KHDRBS1: variants seen among roughly 807,000 people sequenced by gnomAD.
The protein encoded by KHDRBS1 is KH domain-containing, RNA-binding, signal transduction-associated protein 1.
A neutral mutation model predicts 48.4 loss-of-function variants in KHDRBS1; 7 were observed. That is an observed-to-expected ratio of 0.14 (90% CI 0.08 to 0.27). The LOEUF (loss-of-function observed/expected upper bound fraction) is 0.27, where lower values mean the gene tolerates loss of function less well. Among genes scored for constraint, KHDRBS1 ranks in the 10% least tolerant of loss-of-function variants. The pLI is 1.00. For synonymous variants in KHDRBS1, 241 were observed against 235.8 expected (o/e 1.02, Z -0.20); for missense variants, 458 against 601.2 (o/e 0.76, Z 2.49).
chr1:32,029,567 G>T (rs1639042490), intron 1 of KHDRBS1, among the ~76,000 whole-genome samples: 2 of 152,166 alleles, frequency 1.3e-5, no homozygotes, highest in African/African-American at 4.8e-5. Flanking sequence ...TGAGGCAGAA[G>T]AATTGCTTGA....
intron 5 of KHDRBS1, 53 bp downstream of exon 5, chr1:32,037,096 C>T: frequency 6.3e-7 from 1 of 1,586,134 alleles, no homozygotes; most frequent in Non-Finnish European, 8.6e-7. Context: ...CTACTAGTGT[C>T]ATCTCTTTTA....
chr1:32,040,507 T>G (rs1023282457), intron 8 of KHDRBS1, among the ~76,000 whole-genome samples: 7 of 152,198 alleles, frequency 4.6e-5, no homozygotes, highest in African/African-American at 1.7e-4. Flanking sequence ...CCTTGTTGGC[T>G]TGAAGACATC....
At chr1:32,051,655 G>A (rs898097791) in intron 10 of KHDRBS1, among the ~76,000 whole-genome samples, 2 of 152,108 alleles carry the variant, frequency 1.3e-5, no homozygotes, top group Non-Finnish European at 2.9e-5. Flanking sequence ...CCCCACCACA[G>A]TTTCCATAGA....
intron 1 of KHDRBS1, among the ~76,000 whole-genome samples, chr1:32,029,059 G>A (rs1361395932): frequency 2.0e-5 from 3 of 152,132 alleles, no homozygotes; most frequent in Non-Finnish European, 4.4e-5. Context: ...GTTAATGATT[G>A]TACCTATTAT....
intron 1 of KHDRBS1, 113 bp from the exon 2 acceptor site, chr1:32,030,185 A>G: frequency 1.3e-6 from 1 of 798,590 alleles, no homozygotes; most frequent in Non-Finnish European, 1.9e-6. Flanking sequence ...AAATTGGCAC[A>G]TTTGTGTGAA....
At chr1:32,015,069 C>A (rs949251153) in intron 1 of KHDRBS1, among the ~76,000 whole-genome samples, 1 of 152,212 alleles carries the variant, frequency 6.6e-6, no homozygotes, top group Non-Finnish European at 1.5e-5. Flanking sequence ...ACCCTAGAGA[C>A]AGTGAAATGG....
At chr1:32,014,412 G>A in intron 1 of KHDRBS1, 35 bp downstream of exon 1, 1 of 1,295,992 alleles carries the variant, frequency 7.7e-7, no homozygotes, top group Non-Finnish European at 9.9e-7. Context: ...TGGGTCGCCC[G>A]GCCATCCCGG....
intron 1 of KHDRBS1, among the ~76,000 whole-genome samples, chr1:32,021,041 A>C (rs1638847146): frequency 6.6e-6 from 1 of 152,170 alleles, no homozygotes; most frequent in African/African-American, 2.4e-5. Flanking sequence ...AGATATGCAA[A>C]ATGTTATGGG....
chr1:32,035,848 G>A (rs1315562656), intron 4 of KHDRBS1, among the ~76,000 whole-genome samples: 1 of 152,194 alleles, frequency 6.6e-6, no homozygotes, highest in Non-Finnish European at 1.5e-5. Flanking sequence ...TGGGTATAGG[G>A]AATTATGTGG....
chr1:32,043,745 T>G lies in KHDRBS1; in HGVS notation c.*1121T>G, dbSNP rs1639324154. 1 of 152,640 alleles carries G rather than the reference T, an allele frequency of 6.6e-6. No homozygotes were observed. Among genetic ancestry groups the G allele is most frequent in the Admixed American group, 6.5e-5 (1 of 15,274 alleles). 9.5% of individuals were successfully genotyped at this position (152,640 alleles called of 1,614,324 possible). A position where few individuals can be genotyped will look rare whatever the true frequency, so the allele number is the denominator to read the frequency against. ...ACATAAGTTAAAGTCCTAATTGGAT[T>G]TGTACCGTCCTCCCATTTTGTTCTC... On this transcript the variant is annotated 3_prime_UTR_variant, in exon 9 of 9. Transcript: ENST00000327300.
At chr1:32,020,155 A>G (rs1354195160) in intron 1 of KHDRBS1, among the ~76,000 whole-genome samples, 3 of 152,042 alleles carry the variant, frequency 2.0e-5, no homozygotes, top group Admixed American at 2.0e-4. Flanking sequence ...CATGCCTGTA[A>G]TCCCAGGACT....
downstream of KHDRBS1, among the ~76,000 whole-genome samples, chr1:32,048,680 C>T (rs1237340431): frequency 6.6e-6 from 1 of 151,968 alleles, no homozygotes; most frequent in Non-Finnish European, 1.5e-5. Context: ...AGAGTTTTGG[C>T]GGAATTTTAA....
chr1:32,022,650 G>A (rs568949853), intron 1 of KHDRBS1, among the ~76,000 whole-genome samples: 4 of 152,200 alleles, frequency 2.6e-5, no homozygotes, highest in Non-Finnish European at 4.4e-5. Flanking sequence ...CAACACTTTG[G>A]GAGGCCGAGG....
At chr1:32,037,807 C>A (rs778467902) in intron 5 of KHDRBS1, 28 bp from the exon 6 acceptor site, 2 of 1,604,190 alleles carry the variant, frequency 1.2e-6, no homozygotes, top group African/African-American at 2.7e-5. Flanking sequence ...ATAAAAAGCT[C>A]CATTTAAGAT....
chr1:32,052,402 C>CT (rs796233876), intron 10 of KHDRBS1: 3,362 of 143,356 alleles, frequency 0.023, 85 homozygotes, highest in African/African-American at 0.068. Context: ...ATAGTGGTTT[C>CT]TTTTTTTTTT....
rs370771365 is a variant in KHDRBS1, at chr1:32,022,847, G to A, written c.383-7451G>A. Among the ~76,000 whole-genome samples, 74 of 151,560 alleles carry A rather than the reference G, an allele frequency of 4.9e-4. No homozygotes were observed. In the East Asian group the frequency reaches 0.012, roughly 25 times the overall value. On this transcript the variant is annotated intron_variant, in intron 1 of 8. Transcript: ENST00000327300. Reference sequence around the variant, plus strand: ...GGAGGTTGCAGTGAGCCAAAATTGCGCCACTGCACTCCAGTGTGGGTGACA... The same window carrying A: ...GGAGGTTGCAGTGAGCCAAAATTGCACCACTGCACTCCAGTGTGGGTGACA...
At position 32,043,841 on chromosome 1, in the gene KHDRBS1, C is replaced by T. The variant is rs753817565; in HGVS notation, c.*1217C>T. On this transcript the variant is annotated 3_prime_UTR_variant, in exon 9 of 9. Coordinates refer to ENST00000327300, the MANE Select transcript of KHDRBS1 (RefSeq NM_006559.3). ...TAAACTTATGTCAAAATGTCTGCAG[C>T]AGTTTGTCAATAAAGTTTAGTCCTT... 7.2e-5 allele frequency: 11 copies of T among 152,598 alleles called. No individual in the cohort carries two copies. The highest frequency in any genetic ancestry group is 2.6e-4 in the Admixed American group (4 of 15,280). 9.5% of individuals were successfully genotyped at this position (152,598 alleles called of 1,614,324 possible).
chr1:32,056,191 G>T (rs1470451607), intron 10 of KHDRBS1, among the ~76,000 whole-genome samples: 1 of 151,852 alleles, frequency 6.6e-6, no homozygotes, highest in Non-Finnish European at 1.5e-5. Flanking sequence ...GGCAGGGAAT[G>T]GGCCGATAGG....
chr1:32,052,023 T>C (rs1207032294), intron 10 of KHDRBS1, among the ~76,000 whole-genome samples: 1 of 152,202 alleles, frequency 6.6e-6, no homozygotes, highest in Non-Finnish European at 1.5e-5. Context: ...CATCCACTGA[T>C]CTTGACCACA....
Sources: gnomAD v4.1 joint callset for allele counts (sites outside exome capture counted in the v4.1 genomes callset) on GRCh38, gnomAD v4.1.1 for gene constraint, MANE v1.5 for transcripts, NCBI Gene and HGNC (gene_info 2026-07-23, HGNC 2026-07-21) for gene names.